Variants in ATP6V1C1 observed in about 807,000 individuals in gnomAD.
ATP6V1C1 encodes ATPase H+ transporting V1 subunit C1.
ATP6V1C1 carries 45 observed loss-of-function variants against 53.9 expected under a neutral mutation model. The observed-to-expected ratio is 0.83, with a 90% CI of 0.66 to 1.07. The LOEUF (loss-of-function observed/expected upper bound fraction) is 1.07. Among genes scored for constraint, ATP6V1C1 ranks in the 50% least tolerant of loss-of-function variants. ATP6V1C1 has a pLI of 0.00. For missense variants in ATP6V1C1, 315 were observed against 440.3 expected (o/e 0.72, Z 2.55); for synonymous variants, 153 against 155.2 (o/e 0.99, Z 0.11).
intron 1 of ATP6V1C1, among the ~76,000 whole-genome samples, chr8:103,023,543 C>T (rs1816636539): frequency 6.6e-6 from 1 of 152,278 alleles, no homozygotes; most frequent in Admixed American, 6.5e-5. Context: ...TCCTGAAGTA[C>T]ATAGCAGAGG....
intron 5 of ATP6V1C1, among the ~76,000 whole-genome samples, chr8:103,051,598 A>G (rs1817200911): frequency 6.6e-6 from 1 of 152,238 alleles, no homozygotes; most frequent in Non-Finnish European, 1.5e-5. Context: ...CTGCCTGGAA[A>G]AATTCCCGTA....
chr8:103,048,951 T>C lies in ATP6V1C1; in HGVS notation c.282T>C (p.Asn94=), dbSNP rs369625309. The change falls in exon 4 of 13, where the codon AAT becomes AAC. Residue 94 remains asparagine (N), a synonymous_variant. Coordinates refer to ENST00000518738, the MANE Select transcript of ATP6V1C1 (RefSeq NM_001695.5). Reference sequence around the variant, plus strand: ...AAGTTCAAGAGAATCTGTTGGCTAATGGAGGTAAGCTAATGCTCATGATTG... The same window carrying C: ...AAGTTCAAGAGAATCTGTTGGCTAACGGAGGTAAGCTAATGCTCATGATTG... ...KDKVQENLLA[N]GVDLVTYITR... is the part of the protein sequence containing the mutation. The C allele has an allele frequency of 6.2e-7, 1 of 1,612,464 alleles. No individual in the cohort carries two copies. Among genetic ancestry groups the C allele is most frequent in the Non-Finnish European group, 8.5e-7 (1 of 1,179,046 alleles).
Position 103,063,063 on chromosome 8 carries a change from TTTTG to T in ATP6V1C1, c.734+20_734+23del, listed in dbSNP as rs762471041. ...GAGAAAACAAGTAAGATTATTGTTT[TTTTG>T]TTTATTTACTTTGTTAGATCAGCTG... is the stretch of plus-strand genomic sequence containing the variant. On this transcript the variant is annotated intron_variant, in intron 9 of 12. Coordinates refer to ENST00000518738, the MANE Select transcript of ATP6V1C1 (RefSeq NM_001695.5). The T allele has an allele frequency of 3.1e-6, 5 of 1,613,460 alleles. No individual in the cohort carries two copies. The highest frequency in any genetic ancestry group is 1.7e-4 in the Middle Eastern group (1 of 6,034).
intron 12 of ATP6V1C1, among the ~76,000 whole-genome samples, 153 bp from the exon 13 acceptor site, chr8:103,068,499 A>G (rs371318284): frequency 6.4e-4 from 98 of 152,348 alleles, no homozygotes; most frequent in African/African-American, 2.3e-3. Flanking sequence ...CTCATTTGCA[A>G]AATGGGAATA....
At chr8:103,050,909 C>A in intron 4 of ATP6V1C1, 141 bp from the exon 5 acceptor site, 1 of 634,218 alleles carries the variant, frequency 1.6e-6, no homozygotes, top group South Asian at 1.8e-5. Flanking sequence ...TAATATAGTT[C>A]ACATTTAATC....
intron 7 of ATP6V1C1, 136 bp downstream of exon 7, chr8:103,054,118 C>CAT (rs1010678324): frequency 1.7e-6 from 1 of 594,612 alleles, no homozygotes; most frequent in Admixed American, 3.7e-5. Flanking sequence ...CTGTCATCAA[C>CAT]ATTTGCTCAT....
In ATP6V1C1 at chr8:103,068,839, C is replaced by A; in HGVS notation, c.*92C>A. Reference sequence around the variant, plus strand: ...ATGGTCGTACTTTTAACTCTAGTATCCTTTGCTTGCTTCTTACGCCCTTTC... The same window carrying A: ...ATGGTCGTACTTTTAACTCTAGTATACTTTGCTTGCTTCTTACGCCCTTTC... On this transcript the variant is annotated 3_prime_UTR_variant, in exon 13 of 13. Coordinates refer to ENST00000518738, the MANE Select transcript of ATP6V1C1 (RefSeq NM_001695.5). 2.8e-6 allele frequency: 3 copies of A among 1,055,560 alleles called. No individual in the cohort carries two copies. The highest frequency in any genetic ancestry group is 4.1e-6 in the Non-Finnish European group (3 of 740,706). 65.4% of individuals were successfully genotyped at this position (1,055,560 alleles called of 1,614,324 possible).
At chr8:103,057,937 A>T (rs945746977) in intron 8 of ATP6V1C1, among the ~76,000 whole-genome samples, 5 of 152,026 alleles carry the variant, frequency 3.3e-5, no homozygotes, top group African/African-American at 1.2e-4. Context: ...TAGGCTGTTG[A>T]TACTGACAGA....
chr8:103,042,277 A>G, intron 2 of ATP6V1C1, 63 bp from the exon 3 acceptor site: 1 of 1,449,306 alleles, frequency 6.9e-7, no homozygotes, highest in Non-Finnish European at 9.6e-7. Flanking sequence ...GTCAAGATGA[A>G]TCATCTTGTT....
chr8:103,037,454 AAAT>A (rs1319626523), intron 1 of ATP6V1C1, among the ~76,000 whole-genome samples: 1 of 152,190 alleles, frequency 6.6e-6, no homozygotes, highest in African/African-American at 2.4e-5. Flanking sequence ...AATACTTTTA[AAAT>A]AAATCCCAAA....
At chr8:103,038,047 CAACA>C (rs966834406) in intron 1 of ATP6V1C1, among the ~76,000 whole-genome samples, 2 of 152,174 alleles carry the variant, frequency 1.3e-5, no homozygotes, top group Admixed American at 6.5e-5. Context: ...TCATGCTGCA[CAACA>C]AACTACCCCA....
chr8:103,055,729 AT>A, intron 7 of ATP6V1C1, 138 bp from the exon 8 acceptor site: 31 of 685,764 alleles, frequency 4.5e-5, no homozygotes, highest in East Asian at 6.3e-5. Flanking sequence ...GGAAACCCGA[AT>A]TTTTTTTGTT....
chr8:103,037,415 CAA>C (rs1184864948), intron 1 of ATP6V1C1, among the ~76,000 whole-genome samples: 1 of 152,084 alleles, frequency 6.6e-6, no homozygotes, highest in East Asian at 1.9e-4. Flanking sequence ...CTCCAGAGCT[CAA>C]GTGATCCTCC....
chr8:103,040,938 C>G lies in ATP6V1C1; in HGVS notation c.102C>G (p.Val34=), dbSNP rs148387315. The G allele has an allele frequency of 3.7e-6, 6 of 1,614,060 alleles. No homozygotes were observed. Among genetic ancestry groups the G allele is most frequent in the Non-Finnish European group, 5.1e-6 (6 of 1,179,962 alleles). The part of the protein sequence containing the change: ...AATSKNNNLA[V]TSKFNIPDLK... ...CTTCAAAGAACAATAATCTTGCTGT[C>G]ACTTCCAAGTTCAATATTCCTGACT... The change falls in exon 2 of 13, where the codon GTC becomes GTG. Residue 34 remains valine, a synonymous_variant. Coordinates refer to ENST00000518738, the MANE Select transcript of ATP6V1C1 (RefSeq NM_001695.5).
chr8:103,068,723 T>A lies in ATP6V1C1; in HGVS notation c.1125T>A (p.Asp375Glu), dbSNP rs1244180409. The A allele has an allele frequency of 6.2e-7, 1 of 1,609,236 alleles. No individual in the cohort carries two copies. Among genetic ancestry groups the A allele is most frequent in the Non-Finnish European group, 8.5e-7 (1 of 1,177,926 alleles). Reference sequence around the variant, plus strand: ...ACCCCTATGTGTACTACAAGATTGATTGCAACTTGCTGGAATTCAAGTGAA... The same window carrying A: ...ACCCCTATGTGTACTACAAGATTGAATGCAACTTGCTGGAATTCAAGTGAA... ...EYYPYVYYKI[D>E]CNLLEFK The change falls in exon 13 of 13, where the codon GAT becomes GAA. Residue 375 changes from aspartate to glutamate, a missense_variant. Physicochemically the swap from Asp to Glu is conservative, Grantham distance 45. Transcript: ENST00000518738.
At chr8:103,025,983 G>A (rs1344195454) in intron 1 of ATP6V1C1, among the ~76,000 whole-genome samples, 1 of 152,230 alleles carries the variant, frequency 6.6e-6, no homozygotes, top group East Asian at 1.9e-4. Context: ...TAAATTGCCA[G>A]CCATGAAGAA....
intron 8 of ATP6V1C1, among the ~76,000 whole-genome samples, chr8:103,060,278 C>G (rs945765362): frequency 5.3e-5 from 8 of 152,098 alleles, no homozygotes; most frequent in African/African-American, 1.7e-4. Context: ...CCCGGTTATA[C>G]TTATTTCTGG....
At chr8:103,047,440 A>ACG in intron 3 of ATP6V1C1, among the ~76,000 whole-genome samples, 2 of 113,254 alleles carry the variant, frequency 1.8e-5, no homozygotes, top group Non-Finnish European at 3.9e-5. Context: ...GCACACACAC[A>ACG]CACACACACA....
chr8:103,036,899 C>T (rs1176251461), intron 1 of ATP6V1C1, among the ~76,000 whole-genome samples: 1 of 152,070 alleles, frequency 6.6e-6, no homozygotes, highest in East Asian at 1.9e-4. Flanking sequence ...AAAAATGTAT[C>T]CTTTGATATA....
Sources: gnomAD v4.1 joint callset for allele counts (sites outside exome capture counted in the v4.1 genomes callset) on GRCh38, gnomAD v4.1.1 for gene constraint, MANE v1.5 for transcripts, NCBI Gene and HGNC (gene_info 2026-07-23, HGNC 2026-07-21) for gene names.